Variants in ASB18 observed in about 807,000 individuals in gnomAD.
ASB18 encodes ankyrin repeat and SOCS box protein 18.
ASB18 carries 33 observed loss-of-function variants against 33.4 expected under a neutral mutation model. That is an observed-to-expected ratio of 0.99 (90% CI 0.75 to 1.32). ASB18 has a LOEUF of 1.32. Among genes scored for constraint, ASB18 ranks in the 40% most tolerant of loss-of-function variants. ASB18 has a pLI of 0.00. For missense variants in ASB18, 694 were observed against 655.5 expected (o/e 1.06, Z -0.64); for synonymous variants, 295 against 307.6 (o/e 0.96, Z 0.43).
rs1157678211 is a variant in ASB18, at chr2:236,249,912, C to CT, written c.206-8511dup. ...ACTTTTGCAAAGAATATTTTGGAGA[C>CT]TTAAATAATAAGCATGATGTTTTGT... On this transcript the variant is annotated intron_variant, in intron 1 of 5. Coordinates refer to ENST00000409749, the MANE Select transcript of ASB18 (RefSeq NM_212556.4). This position sits in a 1 kb window ranked among gnomAD's most constrained non-coding sequence, Gnocchi z 4.6. 2 of 152,164 alleles carry CT rather than the reference C, an allele frequency of 1.3e-5. No homozygotes were observed. The highest frequency in any genetic ancestry group is 1.3e-4 in the Admixed American group (2 of 15,282). 9.4% of individuals were successfully genotyped at this position (152,164 alleles called of 1,614,324 possible). A position where few individuals can be genotyped will look rare whatever the true frequency, so the allele number is the denominator to read the frequency against.
At chr2:236,218,052 G>A (rs749651275) in intron 3 of ASB18, among the ~76,000 whole-genome samples, 8 of 152,150 alleles carry the variant, frequency 5.3e-5, no homozygotes, top group African/African-American at 9.7e-5. Context: ...AAGTCCACAG[G>A]GAAATATGAC....
At position 236,236,383 on chromosome 2, in the gene ASB18, T is replaced by C. The variant is rs961224494; in HGVS notation, c.596+1306A>G. 2.0e-5 allele frequency among the ~76,000 whole-genome samples: 3 copies of C among 152,130 alleles called. No homozygotes were observed. The East Asian group carries it at 5.8e-4, about 29-fold the overall frequency. ...GGATGGAGAGTGAGAAAGGGGCCAG[T>C]GGGAGGGAGAACCGTGGGCACCGTG... On this transcript the variant is annotated intron_variant, in intron 3 of 5. Transcript: ENST00000409749.
At chr2:236,202,458 T>C (rs2060407936) in intron 4 of ASB18, among the ~76,000 whole-genome samples, 1 of 152,134 alleles carries the variant, frequency 6.6e-6, no homozygotes, top group Admixed American at 6.6e-5. Flanking sequence ...TTTCTTTGGA[T>C]TCATCTTCCG....
In ASB18 at chr2:236,229,297, A is replaced by G. The variant is rs1247187425; in HGVS notation, c.596+8392T>C. Among the ~76,000 whole-genome samples, 1 of 152,188 alleles carries G rather than the reference A, an allele frequency of 6.6e-6. No homozygotes were observed. Among genetic ancestry groups the G allele is most frequent in the African/African-American group, 2.4e-5 (1 of 41,454 alleles). ...ATATAGTGGATAAGGTTCATGGCAG[A>G]TCAGGTATTTCAGAAGAGAAGATCA... On this transcript the variant is annotated intron_variant, in intron 3 of 5. Coordinates refer to ENST00000409749, the MANE Select transcript of ASB18 (RefSeq NM_212556.4). This position sits in a 1 kb window ranked among gnomAD's most constrained non-coding sequence, Gnocchi z 5.2.
At position 236,231,628 on chromosome 2, in the gene ASB18, C is replaced by T. The variant is rs1400999586; in HGVS notation, c.596+6061G>A. Among the ~76,000 whole-genome samples the T allele has an allele frequency of 6.6e-6, 1 of 152,168 alleles. No individual in the cohort carries two copies. The highest frequency in any genetic ancestry group is 1.5e-5 in the Non-Finnish European group (1 of 68,032). ...TTTATTATCATCACCCCTGGCTAAG[C>T]GTTCTCGCTATGTTGCTCAGGCTGG... On this transcript the variant is annotated intron_variant, in intron 3 of 5. Transcript: ENST00000409749. The surrounding 1 kb of genome is among the most constrained non-coding windows in gnomAD (Gnocchi z 5.5).
rs2060397683 is a variant in ASB18 at position 236,200,897 on chromosome 2, C to A, written c.1102-4512G>T. ...TCAGTTCTCTTTTAAAATATTATAA[C>A]CCATTAATTTTTGCCTTTATCATTA... is the stretch of plus-strand genomic sequence containing the variant. On this transcript the variant is annotated intron_variant, in intron 4 of 5. Transcript: ENST00000409749. This position sits in a 1 kb window ranked among gnomAD's most constrained non-coding sequence, Gnocchi z 4.2. 6.6e-6 allele frequency among the ~76,000 whole-genome samples: 1 copy of A among 152,058 alleles called. No individual in the cohort carries two copies. Among genetic ancestry groups the A allele is most frequent in the African/African-American group, 2.4e-5 (1 of 41,380 alleles).
Position 236,253,799 on chromosome 2 carries a change from T to C in ASB18, c.205+10342A>G, listed in dbSNP as rs968182179. 6.6e-6 allele frequency: 1 copy of C among 152,216 alleles called. No individual in the cohort carries two copies. The highest frequency in any genetic ancestry group is 1.9e-4 in the East Asian group (1 of 5,198). 9.4% of individuals were successfully genotyped at this position (152,216 alleles called of 1,614,324 possible). A position where few individuals can be genotyped will look rare whatever the true frequency, so the allele number is the denominator to read the frequency against. On this transcript the variant is annotated intron_variant, in intron 1 of 5. Coordinates refer to ENST00000409749, the MANE Select transcript of ASB18 (RefSeq NM_212556.4). This position sits in a 1 kb window ranked among gnomAD's most constrained non-coding sequence, Gnocchi z 5.4. ...CACATGGATGTTAGGTTAAAATTGC[T>C]GTAAACATGTCTAAATACTTACTGT...
At position 236,250,664 on chromosome 2, in the gene ASB18, C is replaced by T. The variant is rs890044934; in HGVS notation, c.206-9262G>A. The T allele has an allele frequency of 6.6e-6, 1 of 152,190 alleles. No homozygotes were observed. The highest frequency in any genetic ancestry group is 6.5e-5 in the Admixed American group (1 of 15,288). The allele number at this position is 152,190 out of a possible 1,614,324, so 9.4% of individuals were successfully genotyped here. On this transcript the variant is annotated intron_variant, in intron 1 of 5. Transcript: ENST00000409749. This position sits in a 1 kb window ranked among gnomAD's most constrained non-coding sequence, Gnocchi z 4.1. ...AGCCCCAGGCCTTCCAGTGGAGTTA[C>T]TTTCACACCCTCTTCTGGTCTTTAT...
chr2:236,199,786 GTT>G (rs79482867), intron 4 of ASB18, among the ~76,000 whole-genome samples: 1 of 147,722 alleles, frequency 6.8e-6, no homozygotes, highest in African/African-American at 2.5e-5. Flanking sequence ...GATAAAATTT[GTT>G]TTTTTTTTAA....
chr2:236,202,072 C>G (rs899616393), intron 4 of ASB18, among the ~76,000 whole-genome samples: 5 of 152,056 alleles, frequency 3.3e-5, no homozygotes, highest in Admixed American at 3.3e-4. Context: ...GCCTCAGCCT[C>G]CCGAGTAGCT....
At chr2:236,206,105 C>CTA (rs1046836666) in intron 4 of ASB18, among the ~76,000 whole-genome samples, 1 of 151,326 alleles carries the variant, frequency 6.6e-6, no homozygotes, top group African/African-American at 2.4e-5. Flanking sequence ...TCCATTTGTC[C>CTA]TAGGCTCCTT....
chr2:236,243,097 G>A (rs973768711), intron 1 of ASB18, among the ~76,000 whole-genome samples: 7 of 148,432 alleles, frequency 4.7e-5, no homozygotes, highest in Non-Finnish European at 7.4e-5. Context: ...TTGGGAGGCC[G>A]AGGCGGGTGG....
At chr2:236,242,152 G>T (rs2106280827) in intron 1 of ASB18, among the ~76,000 whole-genome samples, 1 of 152,292 alleles carries the variant, frequency 6.6e-6, no homozygotes, top group African/African-American at 2.4e-5. Flanking sequence ...CATGGCCACG[G>T]CCGCCTGGCT....
At position 236,205,823 on chromosome 2, in the gene ASB18, G is replaced by A. The variant is rs910927926; in HGVS notation, c.1101+8539C>T. On this transcript the variant is annotated intron_variant, in intron 4 of 5. Coordinates refer to ENST00000409749, the MANE Select transcript of ASB18 (RefSeq NM_212556.4). The surrounding 1 kb of genome is among the most constrained non-coding windows in gnomAD (Gnocchi z 5.4). ...GTGTCCAAATTTTCCTTTCAAAATCGGTGGATGATATTTCATTGTCTTATG... is the reference window on the plus strand; with the variant it reads ...GTGTCCAAATTTTCCTTTCAAAATCAGTGGATGATATTTCATTGTCTTATG... Among the ~76,000 whole-genome samples the A allele has an allele frequency of 7.2e-5, 11 of 152,084 alleles. No individual in the cohort carries two copies. Among genetic ancestry groups the A allele is most frequent in the African/African-American group, 1.9e-4 (8 of 41,396 alleles).
Position 236,195,047 on chromosome 2 carries a change from G to A in ASB18, c.1226C>T (p.Pro409Leu), listed in dbSNP as rs538462078. ...IPEEVFQMHK[P>L]FYQSLFALAL... ...CAAGGCAAAGAGGGACTGGTAGAAC[G>A]GCTTGTGCATCTGGAAGGGAAGGCA... The change falls in exon 6 of 6, where the codon CCG becomes CTG. Residue 409 changes from proline to leucine, a missense_variant. Coordinates refer to ENST00000409749, the MANE Select transcript of ASB18 (RefSeq NM_212556.4). This position sits in a 1 kb window ranked among gnomAD's most constrained non-coding sequence, Gnocchi z 5.5. The A allele has an allele frequency of 1.8e-5, 29 of 1,609,600 alleles. No homozygotes were observed. Among genetic ancestry groups the A allele is most frequent in the Admixed American group, 8.4e-5 (5 of 59,790 alleles).
In ASB18 at chr2:236,245,324, A is replaced by C. The variant is rs761186153; in HGVS notation, c.206-3922T>G. 1.3e-5 allele frequency among the ~76,000 whole-genome samples: 2 copies of C among 152,026 alleles called. No homozygotes were observed. Among genetic ancestry groups the C allele is most frequent in the Admixed American group, 6.5e-5 (1 of 15,272 alleles). Reference sequence around the variant, plus strand: ...GTATCCCTGCAGGTTGATACCCTTGATGTCATTTGCAGGTGAGGAAACTGG... The same window carrying C: ...GTATCCCTGCAGGTTGATACCCTTGCTGTCATTTGCAGGTGAGGAAACTGG... On this transcript the variant is annotated intron_variant, in intron 1 of 5. Transcript: ENST00000409749. This position sits in a 1 kb window ranked among gnomAD's most constrained non-coding sequence, Gnocchi z 4.7.
At chr2:236,201,763 TTC>T (rs1227636878) in intron 4 of ASB18, among the ~76,000 whole-genome samples, 1 of 152,174 alleles carries the variant, frequency 6.6e-6, no homozygotes, top group Non-Finnish European at 1.5e-5. Flanking sequence ...TTCAGTCATT[TTC>T]TCTGTTTTAA....
In ASB18 at chr2:236,214,717, T is replaced by C; in HGVS notation, c.746A>G (p.Asn249Ser). 8.6e-7 allele frequency: 1 copy of C among 1,156,300 alleles called. No homozygotes were observed. Among genetic ancestry groups the C allele is most frequent in the South Asian group, 4.1e-5 (1 of 24,472 alleles). 71.6% of individuals were successfully genotyped at this position (1,156,300 alleles called of 1,614,324 possible). The change falls in exon 4 of 6, where the codon AAC (asparagine) becomes AGC (serine). Residue 249 changes from asparagine to serine, a missense_variant. Asn to Ser is a conservative substitution (Grantham distance 46, BLOSUM62 1). Coordinates refer to ENST00000409749, the MANE Select transcript of ASB18 (RefSeq NM_212556.4). This position sits in a 1 kb window ranked among gnomAD's most constrained non-coding sequence, Gnocchi z 6.5. ...LGRGAHVDARNGRGETALSAA... is the reference protein window; with the variant it reads ...LGRGAHVDARSGRGETALSAA... ...GCTCAGAGCCGTCTCTCCGCGGCCG[T>C]TCCTCGCGTCCACGTGCGCCCCGCG...
chr2:236,234,171 T>C lies in ASB18; in HGVS notation c.596+3518A>G, dbSNP rs1043979296. 7.9e-5 allele frequency among the ~76,000 whole-genome samples: 12 copies of C among 152,194 alleles called. No individual in the cohort carries two copies. The highest frequency in any genetic ancestry group is 2.9e-4 in the African/African-American group (12 of 41,440). On this transcript the variant is annotated intron_variant, in intron 3 of 5. Transcript: ENST00000409749. The surrounding 1 kb of genome is among the most constrained non-coding windows in gnomAD (Gnocchi z 4.1). ...TGGAACCACTACTGAATCTACGTCT[T>C]GGTAGAACACCTGGATACTCCTGGG... is the stretch of plus-strand genomic sequence containing the variant.
Sources: gnomAD v4.1 joint callset for allele counts (sites outside exome capture counted in the v4.1 genomes callset) on GRCh38, gnomAD v4.1.1 for gene constraint, Gnocchi (gnomAD v3.1) non-coding constraint, MANE v1.5 for transcripts, NCBI Gene and HGNC (gene_info 2026-07-23, HGNC 2026-07-21) for gene names.